MID1: variants seen among roughly 807,000 people sequenced by gnomAD.
The protein encoded by MID1 is midline 1, also known as E3 ubiquitin-protein ligase Midline-1.
Under a neutral mutation model 40.4 loss-of-function variants are expected in MID1, and 7 were observed. The observed-to-expected ratio is 0.17, with a 90% CI of 0.10 to 0.33. The LOEUF is 0.33. Ranked by LOEUF, MID1 falls within the 10% of genes least tolerant of loss-of-function variation. The probability of loss-of-function intolerance (pLI) is 1.00; values close to 1 mark genes in which losing one functional copy is unlikely to be tolerated. For synonymous variants in MID1, 229 were observed against 221.2 expected (o/e 1.04, Z -0.31); for missense variants, 367 against 558.5 (o/e 0.66, Z 3.46).
intron 1 of MID1, among the ~76,000 whole-genome samples, chrX:10,580,117 C>A (rs1000815816): frequency 1.9e-5 from 2 of 106,790 alleles, no homozygotes; most frequent in African/African-American, 7.0e-5. Context: ...AACACATACA[C>A]ACACACACAC....
intron 1 of MID1, among the ~76,000 whole-genome samples, chrX:10,791,440 T>C (rs1181990409): frequency 8.9e-6 from 1 of 112,388 alleles, no homozygotes; most frequent in Non-Finnish European, 1.9e-5. Flanking sequence ...CGATGGCTAA[T>C]ATGACCATAA....
chrX:10,468,022 C>T (rs1202078623), intron 7 of MID1, among the ~76,000 whole-genome samples: 2 of 111,495 alleles, frequency 1.8e-5, no homozygotes, highest in Admixed American at 9.5e-5. Flanking sequence ...TTAGTTTAAC[C>T]ACAACTTCCC....
At chrX:10,799,184 C>G (rs990348947) in intron 1 of MID1, among the ~76,000 whole-genome samples, 4 of 111,653 alleles carry the variant, frequency 3.6e-5, no homozygotes, top group African/African-American at 6.5e-5. Flanking sequence ...ATTACTGGTA[C>G]GTGGCTGATG....
chrX:10,814,600 TGC>T (rs2044123416), intron 1 of MID1, among the ~76,000 whole-genome samples: 1 of 100,536 alleles, frequency 9.9e-6, no homozygotes, highest in African/African-American at 3.9e-5. Context: ...TGTGTGTGTG[TGC>T]GTGTGTGCAT....
intron 2 of MID1, among the ~76,000 whole-genome samples, chrX:10,548,952 T>G (rs1933803211): frequency 8.9e-6 from 1 of 112,355 alleles, no homozygotes; most frequent in African/African-American, 3.2e-5. Flanking sequence ...AACTGATTCC[T>G]TTACTGGGTG....
rs2066375034 is a variant in MID1, at chrX:10,449,292, C to T, written c.*76G>A. On this transcript the variant is annotated 3_prime_UTR_variant, in exon 10 of 10. Transcript: ENST00000317552. Reference sequence around the variant, plus strand: ...TGAGATTTCATTACACTCATGAAGCCTGTGCTTTCTCAGTCCCCTAAATAG... The same window carrying T: ...TGAGATTTCATTACACTCATGAAGCTTGTGCTTTCTCAGTCCCCTAAATAG... 3 of 886,550 alleles carry T rather than the reference C, an allele frequency of 3.4e-6. No individual in the cohort carries two copies. In the Admixed American group the frequency reaches 7.8e-5, roughly 23 times the overall value. 73.1% of individuals were successfully genotyped at this position (886,550 alleles called of 1,213,427 possible).
intron 1 of MID1, among the ~76,000 whole-genome samples, chrX:10,700,519 C>G (rs908765411): frequency 1.1e-4 from 12 of 111,240 alleles, no homozygotes; most frequent in African/African-American, 3.6e-4. Context: ...CACCATTGCA[C>G]TCCAGCCTGG....
At chrX:10,702,621 C>A (rs955799483) in intron 1 of MID1, among the ~76,000 whole-genome samples, 6 of 112,374 alleles carry the variant, frequency 5.3e-5, no homozygotes, top group Non-Finnish European at 1.9e-5. Flanking sequence ...CTCACATTTG[C>A]ACCAATACAA....
At chrX:10,732,236 AC>A (rs747430881) in intron 1 of MID1, among the ~76,000 whole-genome samples, 147 of 111,642 alleles carry the variant, frequency 1.3e-3, no homozygotes, top group African/African-American at 4.4e-3. Context: ...AAATAAAAAG[AC>A]TTAAAAGGAA....
chrX:10,522,194 G>T (rs1476860038), intron 3 of MID1, among the ~76,000 whole-genome samples: 1 of 111,818 alleles, frequency 8.9e-6, no homozygotes, highest in African/African-American at 3.3e-5. Flanking sequence ...CTGGAGTAGG[G>T]TGGGCTCTTT....
At chrX:10,717,903 C>T (rs191900466) in intron 1 of MID1, among the ~76,000 whole-genome samples, 10,598 of 111,176 alleles carry the variant, frequency 0.095, 790 homozygotes, top group African/African-American at 0.25. Context: ...CACTCAAAAC[C>T]GCTCAACTAA....
chrX:10,645,864 C>A (rs1189988698), intron 1 of MID1, among the ~76,000 whole-genome samples: 1 of 111,656 alleles, frequency 9.0e-6, no homozygotes, highest in Non-Finnish European at 1.9e-5. Flanking sequence ...GATTGGCAAC[C>A]CAGATGTACA....
At chrX:10,631,095 T>C (rs1345054273) in intron 1 of MID1, among the ~76,000 whole-genome samples, 1 of 111,126 alleles carries the variant, frequency 9.0e-6, no homozygotes, top group Non-Finnish European at 1.9e-5. Context: ...ATGGAAAAAA[T>C]TGAACATAAA....
chrX:10,498,182 C>A (rs1463362269), intron 3 of MID1, among the ~76,000 whole-genome samples: 1 of 112,269 alleles, frequency 8.9e-6, no homozygotes, highest in Non-Finnish European at 1.9e-5. Flanking sequence ...CGGCTCACTG[C>A]ATCCTCGACC....
chrX:10,471,839 T>G (rs1323114281), intron 6 of MID1, among the ~76,000 whole-genome samples: 4 of 112,404 alleles, frequency 3.6e-5, no homozygotes, highest in Non-Finnish European at 7.5e-5. Flanking sequence ...AGAAAACGTA[T>G]GTTCAAAATA....
At chrX:10,577,923 G>C (rs1049646818) in intron 1 of MID1, among the ~76,000 whole-genome samples, 2 of 111,049 alleles carry the variant, frequency 1.8e-5, no homozygotes, top group South Asian at 7.5e-4. Flanking sequence ...AAATCATCAG[G>C]AAAGTGTTTA....
At chrX:10,766,248 G>C (rs1374418127) in intron 1 of MID1, among the ~76,000 whole-genome samples, 1 of 110,358 alleles carries the variant, frequency 9.1e-6, no homozygotes, top group Non-Finnish European at 1.9e-5. Context: ...GTCACAACTG[G>C]AGAGGGTGTG....
chrX:10,461,138 T>C (rs1006241339), intron 7 of MID1, among the ~76,000 whole-genome samples: 10 of 96,796 alleles, frequency 1.0e-4, no homozygotes, highest in South Asian at 9.3e-4. Context: ...TATCTAAAGA[T>C]ACACACACAC....
At chrX:10,713,768 C>T (rs1279623135) in intron 1 of MID1, among the ~76,000 whole-genome samples, 1 of 111,891 alleles carries the variant, frequency 8.9e-6, no homozygotes, top group African/African-American at 3.2e-5. Flanking sequence ...AGAGTTCAAG[C>T]CCACTAGTTG....
Sources: allele counts gnomAD v4.1 joint callset (sites outside exome capture counted in the v4.1 genomes callset), GRCh38; gene constraint gnomAD v4.1.1; transcripts MANE v1.5; gene names NCBI Gene and HGNC (gene_info 2026-07-23, HGNC 2026-07-21).